NUBPL: variants seen among roughly 807,000 people sequenced by gnomAD.
NUBPL encodes the protein iron-sulfur cluster transfer protein NUBPL.
Under a neutral mutation model 45.7 loss-of-function variants are expected in NUBPL, and 31 were observed. The observed-to-expected ratio is 0.68, with a 90% CI of 0.51 to 0.92. The LOEUF (loss-of-function observed/expected upper bound fraction) is 0.92, where lower values mean the gene tolerates loss of function less well. Ranked by LOEUF, NUBPL falls within the 40% of genes least tolerant of loss-of-function variation. NUBPL has a pLI of 0.00. For synonymous variants in NUBPL, 144 were observed against 140.9 expected (o/e 1.02, Z -0.15); for missense variants, 401 against 398.7 (o/e 1.01, Z -0.05).
chr14:31,778,604 C>A (rs1441036320), intron 6 of NUBPL, among the ~76,000 whole-genome samples: 1 of 152,216 alleles, frequency 6.6e-6, no homozygotes, highest in Admixed American at 6.5e-5. Flanking sequence ...TGAGAGACTT[C>A]CCAGGTTGAT....
At chr14:31,569,762 G>A (rs1833328668) in intron 3 of NUBPL, among the ~76,000 whole-genome samples, 1 of 151,306 alleles carries the variant, frequency 6.6e-6, no homozygotes. Flanking sequence ...GCCCATGATG[G>A]GAATATTTAA....
At chr14:31,642,382 AT>A (rs1367795405) in intron 4 of NUBPL, among the ~76,000 whole-genome samples, 1 of 151,938 alleles carries the variant, frequency 6.6e-6, no homozygotes, top group African/African-American at 2.4e-5. Flanking sequence ...TAGGGGTCTA[AT>A]TTCATTCTTC....
chr14:31,813,309 C>T (rs747447678), intron 7 of NUBPL, among the ~76,000 whole-genome samples: 7 of 151,874 alleles, frequency 4.6e-5, no homozygotes, highest in Admixed American at 1.3e-4. Context: ...TTCTTTATAG[C>T]GTCATTAAGA....
chr14:31,855,898 C>T (rs945504298), intron 10 of NUBPL, among the ~76,000 whole-genome samples: 1 of 152,078 alleles, frequency 6.6e-6, no homozygotes, highest in African/African-American at 2.4e-5. Flanking sequence ...TGGATGTTTC[C>T]TTATCTGTAA....
At chr14:31,816,132 T>A (rs1250424365) in intron 7 of NUBPL, among the ~76,000 whole-genome samples, 3 of 152,212 alleles carry the variant, frequency 2.0e-5, no homozygotes, top group Admixed American at 2.0e-4. Context: ...TTTGTACCTC[T>A]GGTAGAATTC....
intron 4 of NUBPL, among the ~76,000 whole-genome samples, chr14:31,664,164 A>T (rs1391266810): frequency 2.0e-5 from 3 of 152,090 alleles, no homozygotes; most frequent in Non-Finnish European, 4.4e-5. Flanking sequence ...TTTTTAAATA[A>T]ACAATCATGT....
At chr14:31,809,063 T>C (rs558927843) in intron 7 of NUBPL, among the ~76,000 whole-genome samples, 1 of 139,890 alleles carries the variant, frequency 7.1e-6, no homozygotes, top group Non-Finnish European at 1.6e-5. Flanking sequence ...ATCAGGGATA[T>C]TGGTCTAAAA....
In NUBPL at chr14:31,561,486, G is replaced by A. The variant is rs745915744; in HGVS notation, c.47G>A (p.Arg16Gln). Residue 16 changes from arginine to glutamine, a missense_variant, in exon 1 of 11, where the codon CGG (arginine) becomes CAG (glutamine). Coordinates refer to ENST00000281081, the MANE Select transcript of NUBPL (RefSeq NM_025152.3). ...RLLLFGGVSLRAGGGATAPLG... is the reference protein window; with the variant it reads ...RLLLFGGVSLQAGGGATAPLG... ...CTGCTTTTTGGTGGGGTGTCGCTCCGGGCTGGTGGCGGGGCCACTGCCCCG... is the reference window on the plus strand; with the variant it reads ...CTGCTTTTTGGTGGGGTGTCGCTCCAGGCTGGTGGCGGGGCCACTGCCCCG... The A allele has an allele frequency of 7.1e-7, 1 of 1,403,598 alleles. No homozygotes were observed. The highest frequency in any genetic ancestry group is 2.7e-5 in the East Asian group (1 of 36,480). The allele number at this position is 1,403,598 out of a possible 1,614,324, so 86.9% of individuals were successfully genotyped here. A position where few individuals can be genotyped will look rare whatever the true frequency, so the allele number is the denominator to read the frequency against.
intron 7 of NUBPL, among the ~76,000 whole-genome samples, chr14:31,826,110 G>A (rs553393210): frequency 3.9e-5 from 6 of 152,026 alleles, no homozygotes; most frequent in East Asian, 3.9e-4. Flanking sequence ...AGTCAGTTGC[G>A]ATTTTTATTT....
chr14:31,798,583 G>A (rs1009215116), intron 7 of NUBPL, among the ~76,000 whole-genome samples: 10 of 151,232 alleles, frequency 6.6e-5, no homozygotes, highest in Non-Finnish European at 1.3e-4. Flanking sequence ...ATGGGGTCGG[G>A]AGAACGAGAC....
chr14:31,844,194 A>G (rs1454504621), intron 8 of NUBPL: 1 of 152,222 alleles, frequency 6.6e-6, no homozygotes, highest in Non-Finnish European at 1.5e-5. Context: ...AGGGAGTCTA[A>G]GAGATTCCAA....
Position 31,860,781 on chromosome 14 carries a change from T to C in NUBPL, c.*1601T>C, listed in dbSNP as rs2040701067. ...AAATGATTAAACAAACCATAGTACATTCATACCGTGAGTGCTACTCAGCAA... is the reference window on the plus strand; with the variant it reads ...AAATGATTAAACAAACCATAGTACACTCATACCGTGAGTGCTACTCAGCAA... On this transcript the variant is annotated 3_prime_UTR_variant, in exon 11 of 11. Transcript: ENST00000281081. 1 of 152,192 alleles carries C rather than the reference T, an allele frequency of 6.6e-6. No homozygotes were observed. The highest frequency in any genetic ancestry group is 2.4e-5 in the African/African-American group (1 of 41,444). 9.4% of individuals were successfully genotyped at this position (152,192 alleles called of 1,614,324 possible).
intron 4 of NUBPL, among the ~76,000 whole-genome samples, chr14:31,634,371 G>A (rs2035429351): frequency 6.6e-6 from 1 of 151,176 alleles, no homozygotes; most frequent in Non-Finnish European, 1.5e-5. Flanking sequence ...AGTTTACTGA[G>A]AATAATGATT....
chr14:31,774,378 A>G (rs981601915), intron 6 of NUBPL, among the ~76,000 whole-genome samples: 1 of 152,234 alleles, frequency 6.6e-6, no homozygotes, highest in African/African-American at 2.4e-5. Flanking sequence ...TGAGAAGCCT[A>G]AAATGGAACT....
chr14:31,698,286 A>G (rs565080263), intron 6 of NUBPL, among the ~76,000 whole-genome samples: 3 of 151,954 alleles, frequency 2.0e-5, no homozygotes, highest in Admixed American at 6.6e-5. Flanking sequence ...AATTATTTTA[A>G]TACTGATTGA....
chr14:31,610,608 C>CAAAAAAAAAAAAAAAAAAAAAAAA (rs775656176), intron 4 of NUBPL, among the ~76,000 whole-genome samples: 3 of 94,706 alleles, frequency 3.2e-5, no homozygotes, highest in Admixed American at 1.2e-4. Flanking sequence ...AAAGATACAT[C>CAAAAAAAAAAAAAAAAAAAAAAAA]AAAAAAAAAA....
intron 7 of NUBPL, among the ~76,000 whole-genome samples, chr14:31,816,869 A>C (rs201325345): frequency 6.6e-6 from 1 of 151,912 alleles, no homozygotes; most frequent in Non-Finnish European, 1.5e-5. Flanking sequence ...CTGAGTTCTA[A>C]TTTGATTGCA....
intron 7 of NUBPL, among the ~76,000 whole-genome samples, chr14:31,825,502 C>T (rs940457369): frequency 4.0e-5 from 6 of 150,198 alleles, no homozygotes; most frequent in African/African-American, 1.5e-4. Context: ...TTCTCCTCCC[C>T]CTTGTTCTCC....
chr14:31,786,962 TAAC>T (rs542052049), intron 6 of NUBPL, among the ~76,000 whole-genome samples: 1 of 152,186 alleles, frequency 6.6e-6, no homozygotes, highest in Non-Finnish European at 1.5e-5. Context: ...GCTTTAATAA[TAAC>T]AGATGGTGGT....
Sources: gnomAD v4.1 joint callset for allele counts (sites outside exome capture counted in the v4.1 genomes callset) on GRCh38, gnomAD v4.1.1 for gene constraint, MANE v1.5 for transcripts, NCBI Gene and HGNC (gene_info 2026-07-23, HGNC 2026-07-21) for gene names.